The following GRK5 variants were observed in gnomAD, a reference collection of about 807,000 sequenced individuals.
GRK5 encodes the protein G protein-coupled receptor kinase 5, also known as g protein-coupled receptor kinase GRK5.
A neutral mutation model predicts 78.4 loss-of-function variants in GRK5; 40 were observed. The ratio of observed to expected loss-of-function variants is 0.51; its 90% confidence interval spans 0.40 to 0.66. The LOEUF (loss-of-function observed/expected upper bound fraction) is 0.66. Among genes scored for constraint, GRK5 ranks in the 30% least tolerant of loss-of-function variants. The pLI is 0.00. For missense variants in GRK5, 598 were observed against 759.9 expected, an observed-to-expected ratio of 0.79 and a Z score of 2.50; for synonymous variants, 289 against 296.8, an observed-to-expected ratio of 0.97 and a Z score of 0.27.
Position 119,431,325 on chromosome 10 carries a change from G to A in GRK5, c.598-62G>A. ...TGGGAGGCCTGTGGTCCCCGCCCTG[G>A]AGGAGCTCGGGGCAGGCCTCCACGG... On this transcript the variant is annotated intron_variant, in intron 7 of 15. Coordinates refer to ENST00000392870, the MANE Select transcript of GRK5 (RefSeq NM_005308.3). This position sits in a 1 kb window ranked among gnomAD's most constrained non-coding sequence, Gnocchi z 4.8. The A allele has an allele frequency of 6.4e-7, 1 of 1,555,934 alleles. No homozygotes were observed. Among genetic ancestry groups the A allele is most frequent in the East Asian group, 2.3e-5 (1 of 43,836 alleles).
rs1426981930 is a variant in GRK5, at chr10:119,267,350, G to A, written c.53-59166G>A. Among the ~76,000 whole-genome samples, 5 of 152,214 alleles carry A rather than the reference G, an allele frequency of 3.3e-5. No homozygotes were observed. Among genetic ancestry groups the A allele is most frequent in the African/African-American group, 1.2e-4 (5 of 41,456 alleles). ...TTCCCACCTTGGCCTCCCAAAGTGT[G>A]GGATTACAGGTGTGAGCCACCGTGC... On this transcript the variant is annotated intron_variant, in intron 1 of 15. Transcript: ENST00000392870. This position sits in a 1 kb window ranked among gnomAD's most constrained non-coding sequence, Gnocchi z 4.1.
intron 1 of GRK5, among the ~76,000 whole-genome samples, chr10:119,277,846 A>G (rs1179370942): frequency 6.6e-6 from 1 of 152,200 alleles, no homozygotes; most frequent in Non-Finnish European, 1.5e-5. Context: ...TCATATAGCA[A>G]GTACCCTTTC....
chr10:119,304,187 G>A (rs1384100120), intron 1 of GRK5, among the ~76,000 whole-genome samples: 8 of 151,948 alleles, frequency 5.3e-5, no homozygotes, highest in African/African-American at 1.9e-4. Context: ...TGAAGGACCA[G>A]AGCAGTGGGA....
intron 1 of GRK5, among the ~76,000 whole-genome samples, chr10:119,260,252 C>T (rs1021905544): frequency 2.0e-5 from 3 of 152,186 alleles, no homozygotes; most frequent in African/African-American, 7.2e-5. Context: ...CCACCCGCCT[C>T]GGCCTCCCAA....
At chr10:119,345,123 C>G (rs1350519305) in intron 2 of GRK5, among the ~76,000 whole-genome samples, 4 of 152,054 alleles carry the variant, frequency 2.6e-5, no homozygotes, top group Non-Finnish European at 5.9e-5. Flanking sequence ...CGCCCACAAC[C>G]ACGCCTGGCT....
At chr10:119,277,938 T>C (rs1417610928) in intron 1 of GRK5, among the ~76,000 whole-genome samples, 1 of 152,234 alleles carries the variant, frequency 6.6e-6, no homozygotes, top group African/African-American at 2.4e-5. Context: ...TCCTTTTTCT[T>C]ATTGAGTAGT....
chr10:119,282,566 G>A (rs183578480), intron 1 of GRK5, among the ~76,000 whole-genome samples: 1 of 152,356 alleles, frequency 6.6e-6, no homozygotes, highest in Admixed American at 6.5e-5. Context: ...GTGTGCTGCG[G>A]CCCTGGATGG....
intron 9 of GRK5, among the ~76,000 whole-genome samples, chr10:119,437,371 G>A (rs1186355524): frequency 6.6e-6 from 1 of 152,172 alleles, no homozygotes; most frequent in South Asian, 2.1e-4. Context: ...AGGGCCAGGG[G>A]TCCAGATTCC....
intron 4 of GRK5, among the ~76,000 whole-genome samples, chr10:119,402,222 C>T (rs373318812): frequency 8.5e-5 from 13 of 152,186 alleles, no homozygotes; most frequent in East Asian, 7.7e-4. Context: ...CCCTCGAGCC[C>T]CAGGTTAAAA....
chr10:119,255,816 C>T (rs75563611), intron 1 of GRK5, among the ~76,000 whole-genome samples: 3,212 of 152,220 alleles, frequency 0.021, 58 homozygotes, highest in Admixed American at 0.054. Flanking sequence ...GGTACACAGA[C>T]GAGCAAGGCC....
chr10:119,266,494 C>T (rs896241498), intron 1 of GRK5, among the ~76,000 whole-genome samples: 6 of 151,892 alleles, frequency 4.0e-5, no homozygotes, highest in Non-Finnish European at 8.8e-5. Flanking sequence ...TGGTTGTTAT[C>T]AAGAAGAGCC....
chr10:119,213,989 G>C (rs2133698810), intron 1 of GRK5, among the ~76,000 whole-genome samples: 1 of 152,016 alleles, frequency 6.6e-6, no homozygotes, highest in South Asian at 2.1e-4. Flanking sequence ...TTTTTGTTTT[G>C]TTTTGAGACA....
chr10:119,255,038 CAA>C (rs11427427), intron 1 of GRK5, among the ~76,000 whole-genome samples: 21 of 113,716 alleles, frequency 1.8e-4, no homozygotes, highest in Admixed American at 2.7e-4. Context: ...GACTCAGTCT[CAA>C]AAAAAAAAAA....
chr10:119,326,126 A>T (rs943959564), intron 1 of GRK5, among the ~76,000 whole-genome samples: 1 of 152,244 alleles, frequency 6.6e-6, no homozygotes, highest in Non-Finnish European at 1.5e-5. Context: ...GGCCATGGGC[A>T]CCTGCCTGTG....
rs34489675 is a variant in GRK5, at chr10:119,272,575, CAAAA to C, written c.53-53926_53-53923del. 6.1e-3 allele frequency among the ~76,000 whole-genome samples: 597 copies of C among 97,590 alleles called. 2 individuals are homozygous for C. Among genetic ancestry groups the C allele is most frequent in the African/African-American group, 0.022 (570 of 25,726 alleles). 64.0% of individuals were successfully genotyped at this position (97,590 alleles called of 152,430 possible). On this transcript the variant is annotated intron_variant, in intron 1 of 15. Transcript: ENST00000392870. Reference sequence around the variant, plus strand: ...TGGATGACAGAGCAAGATTCTATCTCAAAAAAAAAAAAAAAAAAGAAAGAAAGAA... The same window carrying C: ...TGGATGACAGAGCAAGATTCTATCTCAAAAAAAAAAAAAAGAAAGAAAGAA...
At chr10:119,392,697 C>T (rs1374422714) in intron 3 of GRK5, among the ~76,000 whole-genome samples, 1 of 151,680 alleles carries the variant, frequency 6.6e-6, no homozygotes, top group Non-Finnish European at 1.5e-5. Context: ...AACCACCGCC[C>T]CTGGCTAAGA....
intron 1 of GRK5, among the ~76,000 whole-genome samples, chr10:119,240,014 A>C (rs1160818046): frequency 6.6e-6 from 1 of 152,052 alleles, no homozygotes; most frequent in East Asian, 1.9e-4. Context: ...AATAATTTAT[A>C]ATCCTTTGGG....
intron 1 of GRK5, among the ~76,000 whole-genome samples, chr10:119,323,430 G>C (rs1850620262): frequency 6.6e-6 from 1 of 152,230 alleles, no homozygotes; most frequent in African/African-American, 2.4e-5. Flanking sequence ...ACCCTCCCAG[G>C]CCTTGCAGCT....
intron 1 of GRK5, among the ~76,000 whole-genome samples, chr10:119,247,633 T>A (rs1352783299): frequency 2.0e-5 from 3 of 152,202 alleles, no homozygotes; most frequent in Non-Finnish European, 4.4e-5. Flanking sequence ...TTTACTATAG[T>A]TTATGCCACC....
Sources: allele counts gnomAD v4.1 joint callset (sites outside exome capture counted in the v4.1 genomes callset), GRCh38; gene constraint gnomAD v4.1.1; non-coding constraint Gnocchi (gnomAD v3.1); transcripts MANE v1.5; gene names NCBI Gene and HGNC (gene_info 2026-07-23, HGNC 2026-07-21).